SLC26A7: variants seen among roughly 807,000 people sequenced by gnomAD.
SLC26A7 encodes solute carrier family 26 member 7.
A neutral mutation model predicts 82.5 loss-of-function variants in SLC26A7; 59 were observed. The observed-to-expected ratio is 0.72, with a 90% confidence interval of 0.58 to 0.89. The LOEUF is 0.89. Among genes scored for constraint, SLC26A7 ranks in the 40% least tolerant of loss-of-function variants. SLC26A7 has a pLI of 0.00. For missense variants in SLC26A7, 820 were observed against 793.0 expected (o/e 1.03, Z -0.41); for synonymous variants, 271 against 274.3 (o/e 0.99, Z 0.12).
At chr8:91,292,060 C>T (rs1414343573) in intron 3 of SLC26A7, among the ~76,000 whole-genome samples, 1 of 152,040 alleles carries the variant, frequency 6.6e-6, no homozygotes, top group Non-Finnish European at 1.5e-5. Context: ...AGTCCCAGCC[C>T]TTTGGGAGGC....
At chr8:91,299,291 A>T (rs905914327) in intron 4 of SLC26A7, among the ~76,000 whole-genome samples, 2 of 152,150 alleles carry the variant, frequency 1.3e-5, no homozygotes, top group Non-Finnish European at 2.9e-5. Flanking sequence ...ATGCAAATTT[A>T]AAAAATTGTG....
chr8:91,352,244 G>C (rs1813737138), intron 10 of SLC26A7, among the ~76,000 whole-genome samples: 1 of 152,052 alleles, frequency 6.6e-6, no homozygotes, highest in African/African-American at 2.4e-5. Flanking sequence ...AAGGAAATAG[G>C]AAACAAAATA....
intron 5 of SLC26A7, among the ~76,000 whole-genome samples, chr8:91,319,505 G>A (rs909629157): frequency 3.3e-5 from 5 of 152,166 alleles, no homozygotes; most frequent in Admixed American, 6.5e-5. Context: ...ATCTGAATTC[G>A]TATTTCTTAG....
chr8:91,293,417 A>G (rs1325511297), intron 3 of SLC26A7, among the ~76,000 whole-genome samples: 2 of 152,256 alleles, frequency 1.3e-5, no homozygotes, highest in Non-Finnish European at 2.9e-5. Context: ...CATCCACAAC[A>G]GCCACACATA....
chr8:91,362,289 A>T, intron 11 of SLC26A7, 64 bp from the exon 12 acceptor site: 1 of 1,182,408 alleles, frequency 8.5e-7, no homozygotes, highest in Admixed American at 1.9e-5. Context: ...TGAGGAACTT[A>T]GCAATAATGA....
chr8:91,338,596 C>G (rs1705798655), intron 7 of SLC26A7, among the ~76,000 whole-genome samples: 1 of 152,116 alleles, frequency 6.6e-6, no homozygotes, highest in Non-Finnish European at 1.5e-5. Flanking sequence ...TTTCATTTCA[C>G]TTAAATCATA....
chr8:91,324,832 A>G (rs1193665797), intron 5 of SLC26A7, among the ~76,000 whole-genome samples: 1 of 152,200 alleles, frequency 6.6e-6, no homozygotes, highest in East Asian at 1.9e-4. Flanking sequence ...TTCTGAGGAC[A>G]TGGCTTTTGA....
intron 2 of SLC26A7, among the ~76,000 whole-genome samples, chr8:91,253,926 C>T (rs1235432213): frequency 1.3e-5 from 2 of 152,040 alleles, no homozygotes; most frequent in African/African-American, 4.8e-5. Flanking sequence ...TCCATTGCAG[C>T]ATGCTATCAC....
At chr8:91,348,461 ATTGT>A (rs1324030130) in intron 9 of SLC26A7, 9 of 577,950 alleles carry the variant, frequency 1.6e-5, no homozygotes, top group East Asian at 1.4e-4. Context: ...ATATAAAATA[ATTGT>A]TTGAGAACAT....
chr8:91,382,555 A>C (rs1302271840), intron 15 of SLC26A7, among the ~76,000 whole-genome samples: 1 of 152,208 alleles, frequency 6.6e-6, no homozygotes, highest in East Asian at 1.9e-4. Context: ...AAAAAAGTCA[A>C]CTAGATCTGT....
chr8:91,320,346 A>G (rs932089302), intron 5 of SLC26A7, among the ~76,000 whole-genome samples: 8 of 152,200 alleles, frequency 5.3e-5, no homozygotes, highest in African/African-American at 1.7e-4. Flanking sequence ...TGCTGGCTTT[A>G]AATTCACATT....
Position 91,318,237 on chromosome 8 carries a change from C to G in SLC26A7, c.499C>G (p.Leu167Val). 6.2e-7 allele frequency: 1 copy of G among 1,600,320 alleles called. No individual in the cohort carries two copies. The highest frequency in any genetic ancestry group is 8.5e-7 in the Non-Finnish European group (1 of 1,172,656). The part of the protein sequence containing the change: ...VIQVAMFVLQ[L>V]GSATFVVTEP... ...TTAGGTGGCCATGTTTGTGCTGCAACTGGGCAGTGCCACATTTGTGGTCAC... is the reference window on the plus strand; with the variant it reads ...TTAGGTGGCCATGTTTGTGCTGCAAGTGGGCAGTGCCACATTTGTGGTCAC... The change falls in exon 5 of 19, where the codon CTG (leucine) becomes GTG (valine). Residue 167 changes from leucine (L) to valine (V), a missense_variant. Physicochemically the swap from Leu to Val is conservative, Grantham distance 32. Coordinates refer to ENST00000276609, the MANE Select transcript of SLC26A7 (RefSeq NM_052832.4).
chr8:91,212,319 A>T (rs1809943802), intron 1 of SLC26A7, among the ~76,000 whole-genome samples: 2 of 151,838 alleles, frequency 1.3e-5, no homozygotes, highest in South Asian at 4.1e-4. Context: ...CATTTCTTAT[A>T]GTTTCGTTAG....
intron 13 of SLC26A7, among the ~76,000 whole-genome samples, chr8:91,364,706 CTG>C (rs958480626): frequency 1.3e-5 from 2 of 152,142 alleles, no homozygotes; most frequent in African/African-American, 4.8e-5. Context: ...TTAAAAATCA[CTG>C]TTTAATAAAT....
chr8:91,389,263 T>A, intron 15 of SLC26A7, 75 bp from the exon 16 acceptor site: 1 of 993,986 alleles, frequency 1.0e-6, no homozygotes, highest in Non-Finnish European at 1.6e-6. Context: ...ACTGTTACCC[T>A]CCCACCAGTC....
rs55869816 is a variant in SLC26A7 at position 91,279,125 on chromosome 8, GTATATATATATATATATATATA to G, written c.194-9991_194-9970del. On this transcript the variant is annotated intron_variant, in intron 2 of 18. Coordinates refer to ENST00000276609, the MANE Select transcript of SLC26A7 (RefSeq NM_052832.4). Reference sequence around the variant, plus strand: ...TATTTCATAGTATGTGTGTGTGTGTGTATATATATATATATATATATATATATATATATATATATATGTATCA... The same window carrying G: ...TATTTCATAGTATGTGTGTGTGTGTGTATATATATATATATATATGTATCA... 3.0e-3 allele frequency among the ~76,000 whole-genome samples: 337 copies of G among 111,296 alleles called. 3 individuals carry two copies. The highest frequency in any genetic ancestry group is 6.0e-3 in the South Asian group (19 of 3,142). 73.0% of individuals were successfully genotyped at this position (111,296 alleles called of 152,430 possible).
chr8:91,353,213 T>C (rs1282304124), intron 11 of SLC26A7, among the ~76,000 whole-genome samples: 1 of 152,160 alleles, frequency 6.6e-6, no homozygotes, highest in Admixed American at 6.6e-5. Flanking sequence ...TTTTGATGAA[T>C]GTATAGTTTG....
chr8:91,325,992 A>C (rs1166875315), intron 5 of SLC26A7, among the ~76,000 whole-genome samples: 1 of 152,136 alleles, frequency 6.6e-6, no homozygotes, highest in Non-Finnish European at 1.5e-5. Flanking sequence ...TGTCTTCTGA[A>C]CATTTCCTTT....
At chr8:91,362,148 T>C (rs1215737236) in intron 11 of SLC26A7, among the ~76,000 whole-genome samples, 1 of 152,094 alleles carries the variant, frequency 6.6e-6, no homozygotes, top group Non-Finnish European at 1.5e-5. Flanking sequence ...AAGAAACTTT[T>C]TCCCACCTTT....
Sources: allele counts gnomAD v4.1 joint callset (sites outside exome capture counted in the v4.1 genomes callset), GRCh38; gene constraint gnomAD v4.1.1; transcripts MANE v1.5; gene names NCBI Gene and HGNC (gene_info 2026-07-23, HGNC 2026-07-21).